BRIP1: variants seen among roughly 807,000 people sequenced by gnomAD.
BRIP1 encodes Fanconi anemia group J protein.
A neutral mutation model predicts 119.7 loss-of-function variants in BRIP1; 88 were observed. That is an observed-to-expected ratio of 0.74 (90% CI 0.62 to 0.88). BRIP1 has a LOEUF of 0.88. BRIP1 is among the 40% of genes least tolerant of loss of function. The probability of loss-of-function intolerance (pLI) is 0.00; values close to 1 mark genes in which losing one functional copy is unlikely to be tolerated. For synonymous variants in BRIP1, 443 were observed against 496.5 expected (o/e 0.89, Z 1.43); for missense variants, 1,259 against 1,455.4 (o/e 0.87, Z 2.20).
Position 61,691,545 on chromosome 17 carries a change from T to A in BRIP1, c.2575+1885A>T, listed in dbSNP as rs2061446835. On this transcript the variant is annotated intron_variant, in intron 18 of 19. Coordinates refer to ENST00000259008, the MANE Select transcript of BRIP1 (RefSeq NM_032043.3). This position sits in a 1 kb window ranked among gnomAD's most constrained non-coding sequence, Gnocchi z 5.0. ...GTCTTGGCTCACTGCAACCTCCGCCTCCCAGGTTCAAGCCATTCTCCTGCC... is the reference window on the plus strand; with the variant it reads ...GTCTTGGCTCACTGCAACCTCCGCCACCCAGGTTCAAGCCATTCTCCTGCC... 6.6e-6 allele frequency among the ~76,000 whole-genome samples: 1 copy of A among 152,112 alleles called. No homozygotes were observed. The highest frequency in any genetic ancestry group is 1.5e-5 in the Non-Finnish European group (1 of 68,030).
Position 61,748,762 on chromosome 17 carries a change from A to G in BRIP1, c.2098-4171T>C, listed in dbSNP as rs536871094. Among the ~76,000 whole-genome samples, 5 of 152,360 alleles carry G rather than the reference A, an allele frequency of 3.3e-5. No individual in the cohort carries two copies. Among genetic ancestry groups the G allele is most frequent in the African/African-American group, 1.2e-4 (5 of 41,594 alleles). On this transcript the variant is annotated intron_variant, in intron 14 of 19. Coordinates refer to ENST00000259008, the MANE Select transcript of BRIP1 (RefSeq NM_032043.3). The surrounding 1 kb of genome is among the most constrained non-coding windows in gnomAD (Gnocchi z 4.7). ...AAATAGTTCAGGGCAAACAATATCC[A>G]CATGCAAAAGAATAAAACTGGACCT...
At position 61,796,534 on chromosome 17, in the gene BRIP1, G is replaced by A. The variant is rs1360321571; in HGVS notation, c.1340+2566C>T. ...ACTGTCTTTCCCTCAGTGCATGTTC[G>A]TGGCACCTGTGTCAAAAATGAGTTC... is the stretch of plus-strand genomic sequence containing the variant. On this transcript the variant is annotated intron_variant, in intron 9 of 19. Coordinates refer to ENST00000259008, the MANE Select transcript of BRIP1 (RefSeq NM_032043.3). The surrounding 1 kb of genome is among the most constrained non-coding windows in gnomAD (Gnocchi z 4.8). Among the ~76,000 whole-genome samples the A allele has an allele frequency of 2.6e-5, 4 of 151,888 alleles. No individual in the cohort carries two copies. Among genetic ancestry groups the A allele is most frequent in the African/African-American group, 7.2e-5 (3 of 41,382 alleles).
Position 61,827,579 on chromosome 17 carries a change from A to C in BRIP1, c.628-18822T>G, listed in dbSNP as rs932813581. On this transcript the variant is annotated intron_variant, in intron 6 of 19. Transcript: ENST00000259008. The surrounding 1 kb of genome is among the most constrained non-coding windows in gnomAD (Gnocchi z 5.8). ...CCCATCTCTATTAAAAATACAAAAA[A>C]TTAGCCAGGCGTGGGGGCACACACC... 6.6e-6 allele frequency among the ~76,000 whole-genome samples: 1 copy of C among 152,068 alleles called. No individual in the cohort carries two copies. The highest frequency in any genetic ancestry group is 1.5e-5 in the Non-Finnish European group (1 of 68,010).
Position 61,681,459 on chromosome 17 carries a change from T to C in BRIP1, c.*1837A>G, listed in dbSNP as rs1353959116. 2 of 209,948 alleles carry C rather than the reference T, an allele frequency of 9.5e-6. No homozygotes were observed. Among genetic ancestry groups the C allele is most frequent in the African/African-American group, 2.3e-5 (1 of 44,092 alleles). 13.0% of individuals were successfully genotyped at this position (209,948 alleles called of 1,614,324 possible). A position where few individuals can be genotyped will look rare whatever the true frequency, so the allele number is the denominator to read the frequency against. ...CCCTGAAGGGTGTGGTGATTGCCAA[T>C]ATGACTTAGCAAATCAGTGGCAGAG... On this transcript the variant is annotated 3_prime_UTR_variant, in exon 20 of 20. Transcript: ENST00000259008. This position sits in a 1 kb window ranked among gnomAD's most constrained non-coding sequence, Gnocchi z 5.1.
At position 61,831,663 on chromosome 17, in the gene BRIP1, C is replaced by A. The variant is rs552619961; in HGVS notation, c.627+15438G>T. Among the ~76,000 whole-genome samples, 6 of 152,186 alleles carry A rather than the reference C, an allele frequency of 3.9e-5. No individual in the cohort carries two copies. In the East Asian group the frequency reaches 1.2e-3, roughly 29 times the overall value. On this transcript the variant is annotated intron_variant, in intron 6 of 19. Transcript: ENST00000259008. This position sits in a 1 kb window ranked among gnomAD's most constrained non-coding sequence, Gnocchi z 4.1. ...CAATGGACATTTTGGTTGTTTCCAC[C>A]TTTTGGCTATTGTGAATAACACTCC...
Position 61,734,810 on chromosome 17 carries a change from A to C in BRIP1, c.2379+8203T>G, listed in dbSNP as rs193006843. The stretch of plus-strand genomic sequence containing the variant: ...ACTTTTACTTCCATAATCTTTCTCA[A>C]ATTTAAGAAAAAATTTTAGTATCAT... On this transcript the variant is annotated intron_variant, in intron 16 of 19. Coordinates refer to ENST00000259008, the MANE Select transcript of BRIP1 (RefSeq NM_032043.3). The surrounding 1 kb of genome is among the most constrained non-coding windows in gnomAD (Gnocchi z 5.2). Among the ~76,000 whole-genome samples the C allele has an allele frequency of 9.5e-4, 145 of 152,304 alleles. 3 individuals are homozygous for C. Among genetic ancestry groups the C allele is most frequent in the African/African-American group, 3.2e-3 (133 of 41,576 alleles).
chr17:61,793,514 C>T lies in BRIP1; in HGVS notation c.1473+83G>A, dbSNP rs2145236375. The T allele has an allele frequency of 1.5e-6, 2 of 1,323,340 alleles. No homozygotes were observed. The highest frequency in any genetic ancestry group is 1.1e-6 in the Non-Finnish European group (1 of 951,640). The allele number at this position is 1,323,340 out of a possible 1,614,324, so 82.0% of individuals were successfully genotyped here. A position where few individuals can be genotyped will look rare whatever the true frequency, so the allele number is the denominator to read the frequency against. On this transcript the variant is annotated intron_variant, in intron 10 of 19. Coordinates refer to ENST00000259008, the MANE Select transcript of BRIP1 (RefSeq NM_032043.3). The surrounding 1 kb of genome is among the most constrained non-coding windows in gnomAD (Gnocchi z 5.2). ...CTATATTTAACAATTCTGGGTTACT[C>T]ACTAGATTTAATCTGGATTTAGTCA...
At chr17:61,833,660 G>C (rs1172194841) in intron 6 of BRIP1, among the ~76,000 whole-genome samples, 1 of 125,302 alleles carries the variant, frequency 8.0e-6, no homozygotes, top group East Asian at 2.6e-4. Context: ...GACAAAGCAA[G>C]ACTCCACCTC....
rs2077529281 is a variant in BRIP1 at position 61,776,164 on chromosome 17, G to C, written c.2097+237C>G. ...CCCAACCTGCTGGGATTACAAGCATGAGCCACCACGTCCAGCCTTGCTCTT... is the reference window on the plus strand; with the variant it reads ...CCCAACCTGCTGGGATTACAAGCATCAGCCACCACGTCCAGCCTTGCTCTT... On this transcript the variant is annotated intron_variant, in intron 14 of 19. Transcript: ENST00000259008. This position sits in a 1 kb window ranked among gnomAD's most constrained non-coding sequence, Gnocchi z 5.0. 6.2e-6 allele frequency: 3 copies of C among 483,748 alleles called. No individual in the cohort carries two copies. The South Asian group carries it at 6.4e-5, about 10-fold the overall frequency. 30.0% of individuals were successfully genotyped at this position (483,748 alleles called of 1,614,324 possible).
Position 61,717,823 on chromosome 17 carries a change from A to G in BRIP1, c.2380-1760T>C, listed in dbSNP as rs2061905560. Among the ~76,000 whole-genome samples, 1 of 152,030 alleles carries G rather than the reference A, an allele frequency of 6.6e-6. No homozygotes were observed. The highest frequency in any genetic ancestry group is 1.5e-5 in the Non-Finnish European group (1 of 68,014). On this transcript the variant is annotated intron_variant, in intron 16 of 19. Coordinates refer to ENST00000259008, the MANE Select transcript of BRIP1 (RefSeq NM_032043.3). This position sits in a 1 kb window ranked among gnomAD's most constrained non-coding sequence, Gnocchi z 4.1. The stretch of plus-strand genomic sequence containing the variant: ...TTACAACTATATTAGACTACTTTAT[A>G]TTACTCCACATGTCACTGACCCTCT...
intron 10 of BRIP1, among the ~76,000 whole-genome samples, chr17:61,788,761 G>A (rs1311410609): frequency 6.6e-6 from 1 of 152,024 alleles, no homozygotes; most frequent in Non-Finnish European, 1.5e-5. Flanking sequence ...TTCAAGACCA[G>A]CCTAGGCAAC....
Position 61,767,758 on chromosome 17 carries a change from T to C in BRIP1, c.2097+8643A>G, listed in dbSNP as rs1313676554. On this transcript the variant is annotated intron_variant, in intron 14 of 19. Coordinates refer to ENST00000259008, the MANE Select transcript of BRIP1 (RefSeq NM_032043.3). This position sits in a 1 kb window ranked among gnomAD's most constrained non-coding sequence, Gnocchi z 5.7. Reference sequence around the variant, plus strand: ...ATCCTATGTTTCTTTTATGAAACTCTGCAACCAGTCTTTACATTACATTTT... The same window carrying C: ...ATCCTATGTTTCTTTTATGAAACTCCGCAACCAGTCTTTACATTACATTTT... Among the ~76,000 whole-genome samples, 1 of 152,186 alleles carries C rather than the reference T, an allele frequency of 6.6e-6. No homozygotes were observed. The highest frequency in any genetic ancestry group is 2.4e-5 in the African/African-American group (1 of 41,450).
At chr17:61,797,267 A>G (rs577459003) in intron 9 of BRIP1, among the ~76,000 whole-genome samples, 36 of 152,006 alleles carry the variant, frequency 2.4e-4, no homozygotes, top group African/African-American at 8.7e-4. Flanking sequence ...CCCAACATTT[A>G]GATATCAAAA....
At chr17:61,837,832 C>T (rs1470782339) in intron 6 of BRIP1, among the ~76,000 whole-genome samples, 1 of 151,920 alleles carries the variant, frequency 6.6e-6, no homozygotes, top group African/African-American at 2.4e-5. Flanking sequence ...GCAGGGGACA[C>T]CAGAAAGTTA....
chr17:61,812,747 T>G (rs1220536474), intron 6 of BRIP1, among the ~76,000 whole-genome samples: 1 of 152,118 alleles, frequency 6.6e-6, no homozygotes, highest in Non-Finnish European at 1.5e-5. Context: ...TTCAGAAAAT[T>G]TTTCTTGTGT....
At chr17:61,786,879 T>G (rs2077720949) in intron 10 of BRIP1, among the ~76,000 whole-genome samples, 1 of 125,260 alleles carries the variant, frequency 8.0e-6, no homozygotes, top group African/African-American at 3.0e-5. Context: ...ATTAATATAT[T>G]AATATATAAA....
rs2077733110 is a variant in BRIP1, at chr17:61,787,135, T to C, written c.1474-2711A>G. ...TTAATATATAATATATTATATACTA[T>C]ATAAAATATATAAAAATATATTATA... On this transcript the variant is annotated intron_variant, in intron 10 of 19. Coordinates refer to ENST00000259008, the MANE Select transcript of BRIP1 (RefSeq NM_032043.3). Among the ~76,000 whole-genome samples the C allele has an allele frequency of 4.6e-5, 5 of 108,192 alleles. No individual in the cohort carries two copies. The South Asian group carries it at 1.4e-3, about 31-fold the overall frequency. The allele number at this position is 108,192 out of a possible 152,430, so 71.0% of individuals were successfully genotyped here. A position where few individuals can be genotyped will look rare whatever the true frequency, so the allele number is the denominator to read the frequency against.
chr17:61,799,371 A>G lies in BRIP1; in HGVS notation c.1141-72T>C, dbSNP rs1328931481. Reference sequence around the variant, plus strand: ...TTAACAACAGCAGGCAAGATATTTCATTTTAAAATTCACACTATAGGCCAA... The same window carrying G: ...TTAACAACAGCAGGCAAGATATTTCGTTTTAAAATTCACACTATAGGCCAA... On this transcript the variant is annotated intron_variant, in intron 8 of 19. Transcript: ENST00000259008. The surrounding 1 kb of genome is among the most constrained non-coding windows in gnomAD (Gnocchi z 5.1). The G allele has an allele frequency of 1.9e-5, 23 of 1,234,930 alleles. No individual in the cohort carries two copies. In the Admixed American group the frequency reaches 4.2e-4, roughly 22 times the overall value. 76.5% of individuals were successfully genotyped at this position (1,234,930 alleles called of 1,614,324 possible). A position where few individuals can be genotyped will look rare whatever the true frequency, so the allele number is the denominator to read the frequency against.
chr17:61,826,947 T>C (rs1196892220), intron 6 of BRIP1, among the ~76,000 whole-genome samples: 1 of 152,184 alleles, frequency 6.6e-6, no homozygotes, highest in Non-Finnish European at 1.5e-5. Context: ...ATATAAATTG[T>C]TCTATTATAA....
Sources: gnomAD v4.1 joint callset for allele counts (sites outside exome capture counted in the v4.1 genomes callset) on GRCh38, gnomAD v4.1.1 for gene constraint, Gnocchi (gnomAD v3.1) non-coding constraint, MANE v1.5 for transcripts, NCBI Gene and HGNC (gene_info 2026-07-23, HGNC 2026-07-21) for gene names.